The following ZNF536 variants were observed in gnomAD, a reference collection of about 807,000 sequenced individuals.
The protein encoded by ZNF536 is zinc finger protein 536.
ZNF536 carries 13 observed loss-of-function variants against 84.5 expected under a neutral mutation model. The ratio of observed to expected loss-of-function variants is 0.15; its 90% confidence interval spans 0.10 to 0.24. The LOEUF (loss-of-function observed/expected upper bound fraction) is 0.24, where lower values mean the gene tolerates loss of function less well. Among genes scored for constraint, ZNF536 ranks in the 10% least tolerant of loss-of-function variants. The probability of loss-of-function intolerance (pLI) is 1.00; values close to 1 mark genes in which losing one functional copy is unlikely to be tolerated. For synonymous variants in ZNF536, 811 were observed against 742.5 expected, an observed-to-expected ratio of 1.09 and a Z score of -1.50; for missense variants, 1,536 against 1,747.5, an observed-to-expected ratio of 0.88 and a Z score of 2.16.
chr19:30,231,602 T>TGCTTC (rs2023049029), intron 1 of ZNF536, among the ~76,000 whole-genome samples: 1 of 152,160 alleles, frequency 6.6e-6, no homozygotes, highest in Non-Finnish European at 1.5e-5. Flanking sequence ...CTTCATGTGG[T>TGCTTC]ACCTGCTCGG....
At position 30,262,673 on chromosome 19, in the gene ZNF536, G is replaced by T. The variant is rs142895464; in HGVS notation, c.-189-21399G>T. On this transcript the variant is annotated intron_variant, in intron 1 of 5. Transcript: ENST00000585628. ...TCCTTGGGTGGCCAGGTGGTCAGAG[G>T]GACCTGGGTGGCTGGTGGAAAGTGA... Among the ~76,000 whole-genome samples the T allele has an allele frequency of 3.4e-4, 51 of 152,236 alleles. No homozygotes were observed. The East Asian group carries it at 5.2e-3, about 16-fold the overall frequency.
chr19:30,422,967 A>G (rs2051034242), intron 1 of ZNF536, among the ~76,000 whole-genome samples: 1 of 121,884 alleles, frequency 8.2e-6, no homozygotes, highest in African/African-American at 3.3e-5. Context: ...CCGTTCAACC[A>G]TCCATCCATC....
intron 2 of ZNF536, among the ~76,000 whole-genome samples, chr19:30,499,401 G>C (rs919348315): frequency 3.3e-5 from 5 of 151,928 alleles, no homozygotes; most frequent in South Asian, 2.1e-4. Context: ...ATGTATGTAT[G>C]TATCTATCTG....
chr19:30,469,094 C>G (rs2053529639), intron 2 of ZNF536, among the ~76,000 whole-genome samples: 1 of 152,086 alleles, frequency 6.6e-6, no homozygotes, highest in Non-Finnish European at 1.5e-5. Context: ...TGCTGTTGAC[C>G]AAGCCAAGTC....
intron 1 of ZNF536, among the ~76,000 whole-genome samples, chr19:30,598,137 A>C (rs762408966): frequency 2.0e-5 from 3 of 152,194 alleles, no homozygotes; most frequent in Non-Finnish European, 4.4e-5. Flanking sequence ...GACTTGAAGA[A>C]TAAAGGAGGG....
chr19:30,309,296 C>T (rs998679980), intron 2 of ZNF536, among the ~76,000 whole-genome samples: 2 of 152,166 alleles, frequency 1.3e-5, no homozygotes, highest in Non-Finnish European at 2.9e-5. Flanking sequence ...GGGAAGGTTG[C>T]AAGAGATAAC....
intron 2 of ZNF536, among the ~76,000 whole-genome samples, chr19:30,338,096 G>A (rs1465469871): frequency 5.9e-5 from 9 of 151,434 alleles, no homozygotes; most frequent in Admixed American, 4.6e-4. Flanking sequence ...AATGGTGATC[G>A]TGATGGTGAT....
chr19:30,604,610 C>T (rs796442329), intron 1 of ZNF536, among the ~76,000 whole-genome samples: 1 of 152,186 alleles, frequency 6.6e-6, no homozygotes, highest in African/African-American at 2.4e-5. Context: ...ACCACAAAGG[C>T]CTTTGATGAG....
intron 3 of ZNF536, among the ~76,000 whole-genome samples, chr19:30,538,281 T>G (rs1284725800): frequency 6.6e-6 from 1 of 152,204 alleles, no homozygotes; most frequent in Non-Finnish European, 1.5e-5. Flanking sequence ...TTTTGAAGTT[T>G]TTAAACCATG....
At chr19:30,377,938 G>A (rs992644128) in intron 1 of ZNF536, among the ~76,000 whole-genome samples, 1 of 152,156 alleles carries the variant, frequency 6.6e-6, no homozygotes, top group African/African-American at 2.4e-5. Flanking sequence ...TGGATTCTTT[G>A]TTGCCCAATA....
chr19:30,637,331 A>C (rs539723660), intron 1 of ZNF536, among the ~76,000 whole-genome samples: 2 of 152,364 alleles, frequency 1.3e-5, no homozygotes, highest in African/African-American at 4.8e-5. Context: ...GACATGGAAC[A>C]GGTTCTCTTT....
intron 2 of ZNF536, among the ~76,000 whole-genome samples, chr19:30,487,353 G>A (rs1283306568): frequency 1.3e-5 from 2 of 152,176 alleles, no homozygotes; most frequent in African/African-American, 2.4e-5. Context: ...CATTTACAAT[G>A]ATGGTTTTCA....
rs554148494 is a variant in ZNF536, at chr19:30,580,366, G to A, written c.169+30852G>A. Among the ~76,000 whole-genome samples the A allele has an allele frequency of 1.1e-3, 164 of 152,334 alleles. 5 individuals are homozygous for A. The South Asian group carries it at 0.033, about 31-fold the overall frequency. ...AATGCTCCTCCTGCCCTTGATGGAT[G>A]GGAAATGGTGTCTTTCAAGGCACTG... On this transcript the variant is annotated intron_variant, in intron 1 of 1. Coordinates refer to the ZNF536 transcript ENST00000592773.
intron 1 of ZNF536, 24 bp from the exon 2 acceptor site, chr19:30,443,537 T>A: frequency 6.6e-7 from 1 of 1,520,954 alleles, no homozygotes; most frequent in East Asian, 2.3e-5. Context: ...CTGGCACGGA[T>A]CTGAACTCTG....
chr19:30,433,289 C>T (rs1811091586), intron 1 of ZNF536, among the ~76,000 whole-genome samples: 1 of 152,228 alleles, frequency 6.6e-6, no homozygotes, highest in Admixed American at 6.5e-5. Context: ...CTCTGCAATT[C>T]AGCAGGTGAC....
chr19:30,711,278 T>G (rs1253403508), exon 2 of ZNF536: 1 of 152,204 alleles, frequency 6.6e-6, no homozygotes, highest in Non-Finnish European at 1.5e-5. Flanking sequence ...TGGTGCCCTC[T>G]GAGCTGGAGA....
chr19:30,403,991 T>C (rs2050157733), intron 1 of ZNF536, among the ~76,000 whole-genome samples: 1 of 151,698 alleles, frequency 6.6e-6, no homozygotes, highest in Admixed American at 6.6e-5. Flanking sequence ...CATTCCCCTC[T>C]ACATTTTTTT....
intron 2 of ZNF536, among the ~76,000 whole-genome samples, chr19:30,330,413 G>T (rs1354558919): frequency 6.6e-6 from 1 of 152,168 alleles, no homozygotes; most frequent in Non-Finnish European, 1.5e-5. Context: ...GCCTTTGTTT[G>T]GTGAGAAACT....
At chr19:30,493,798 G>GC (rs1177203964) in intron 2 of ZNF536, among the ~76,000 whole-genome samples, 4 of 152,168 alleles carry the variant, frequency 2.6e-5, no homozygotes, top group African/African-American at 9.7e-5. Context: ...AGAGGTTCCT[G>GC]CGGGGGCCAG....
Sources: allele counts gnomAD v4.1 joint callset (sites outside exome capture counted in the v4.1 genomes callset), GRCh38; gene constraint gnomAD v4.1.1; transcripts MANE v1.5; gene names NCBI Gene and HGNC (gene_info 2026-07-23, HGNC 2026-07-21).